The following NIPAL2 variants were observed in gnomAD, a reference collection of about 807,000 sequenced individuals.
NIPAL2 encodes the protein NIPA-like protein 2.
NIPAL2 carries 43 observed loss-of-function variants against 48.9 expected under a neutral mutation model. The observed-to-expected ratio is 0.88, with a 90% CI of 0.69 to 1.13. The LOEUF (loss-of-function observed/expected upper bound fraction) is 1.13. NIPAL2 is among the 50% of genes most tolerant of loss of function. NIPAL2 has a pLI of 0.00. For missense variants in NIPAL2, 446 were observed against 461.4 expected, an observed-to-expected ratio of 0.97 and a Z score of 0.31; for synonymous variants, 167 against 174.6, an observed-to-expected ratio of 0.96 and a Z score of 0.34.
At chr8:98,204,646 AT>A (rs1810945480) in intron 7 of NIPAL2, among the ~76,000 whole-genome samples, 1 of 151,956 alleles carries the variant, frequency 6.6e-6, no homozygotes, top group African/African-American at 2.4e-5. Flanking sequence ...AAGATGCAAA[AT>A]TTTGGGGAAA....
chr8:98,204,788 C>G (rs1810952318), intron 7 of NIPAL2, among the ~76,000 whole-genome samples: 1 of 151,664 alleles, frequency 6.6e-6, no homozygotes, highest in African/African-American at 2.4e-5. Context: ...TGGACCTGCC[C>G]CTTTGATTTA....
intron 1 of NIPAL2, among the ~76,000 whole-genome samples, chr8:98,255,781 GA>G (rs1563528510): frequency 1.3e-5 from 2 of 152,148 alleles, no homozygotes; most frequent in South Asian, 4.1e-4. Flanking sequence ...TGAAGACTGA[GA>G]AAAAAATTTG....
chr8:98,230,354 T>G (rs758308008), intron 4 of NIPAL2, among the ~76,000 whole-genome samples: 5 of 152,178 alleles, frequency 3.3e-5, no homozygotes, highest in Admixed American at 6.5e-5. Context: ...AAGAGCACTC[T>G]CAAACTGGTG....
intron 5 of NIPAL2, among the ~76,000 whole-genome samples, chr8:98,220,964 C>CTTTTTTTTTTTTTTTTTTTTTT (rs557824737): frequency 1.5e-5 from 1 of 68,636 alleles, no homozygotes; most frequent in Admixed American, 2.0e-4. Flanking sequence ...TCATTTCATT[C>CTTTTTTTTTTTTTTTTTTTTTT]TTTTTTTTTT....
intron 4 of NIPAL2, among the ~76,000 whole-genome samples, chr8:98,235,820 T>C (rs1812680586): frequency 6.6e-6 from 1 of 151,634 alleles, no homozygotes; most frequent in Non-Finnish European, 1.5e-5. Flanking sequence ...TAAAATGTTA[T>C]GAAATTATAA....
In NIPAL2 at chr8:98,204,989, G is replaced by A. The variant is rs188475426; in HGVS notation, c.791+122C>T. ...CATGTTGGCTGAGGACAAGCTACAG[G>A]CCCTTCACCCTTAGAAATCAGTTGT... On this transcript the variant is annotated intron_variant, in intron 7 of 10. Coordinates refer to ENST00000430223, the MANE Select transcript of NIPAL2 (RefSeq NM_001321635.2). 4.9e-5 allele frequency: 51 copies of A among 1,042,674 alleles called. No homozygotes were observed. In the East Asian group the frequency reaches 1.1e-3, roughly 23 times the overall value. 64.6% of individuals were successfully genotyped at this position (1,042,674 alleles called of 1,614,324 possible). A position where few individuals can be genotyped will look rare whatever the true frequency, so the allele number is the denominator to read the frequency against.
intron 7 of NIPAL2, 81 bp from the exon 8 acceptor site, chr8:98,203,277 G>T (rs1810889007): frequency 3.0e-6 from 3 of 992,466 alleles, no homozygotes; most frequent in Admixed American, 1.7e-5. Flanking sequence ...AGAAACACGT[G>T]TTCTTTAGCT....
intron 1 of NIPAL2, among the ~76,000 whole-genome samples, chr8:98,292,228 A>G (rs1816524359): frequency 6.6e-6 from 1 of 152,216 alleles, no homozygotes; most frequent in Non-Finnish European, 1.5e-5. Flanking sequence ...ATTTCTATTC[A>G]GTGTCAAAAA....
At chr8:98,257,895 G>A (rs1814002369) in intron 1 of NIPAL2, among the ~76,000 whole-genome samples, 1 of 150,036 alleles carries the variant, frequency 6.7e-6, no homozygotes, top group Non-Finnish European at 1.5e-5. Context: ...CGCCTTTCTA[G>A]ACGGAACCAA....
At chr8:98,206,632 CA>C (rs1453187985) in intron 6 of NIPAL2, among the ~76,000 whole-genome samples, 4 of 151,822 alleles carry the variant, frequency 2.6e-5, no homozygotes, top group African/African-American at 7.2e-5. Context: ...ACTAAAAATA[CA>C]AAAAATTAGC....
At chr8:98,202,938 C>T (rs188454266) in intron 8 of NIPAL2, among the ~76,000 whole-genome samples, 170 bp downstream of exon 8, 86 of 152,324 alleles carry the variant, frequency 5.6e-4, no homozygotes, top group Middle Eastern at 3.4e-3. Context: ...AGAGAGCATT[C>T]ACACAAAGTA....
At chr8:98,237,413 C>T (rs1430113802) in intron 3 of NIPAL2, among the ~76,000 whole-genome samples, 3 of 152,136 alleles carry the variant, frequency 2.0e-5, no homozygotes, top group Non-Finnish European at 2.9e-5. Context: ...CAGCCCTATC[C>T]CAAGCTCAGG....
chr8:98,253,871 G>A, intron 2 of NIPAL2, 148 bp downstream of exon 2: 1 of 501,186 alleles, frequency 2.0e-6, no homozygotes, highest in South Asian at 3.5e-5. Context: ...TTATATTTGT[G>A]TTTATACCAA....
intron 4 of NIPAL2, among the ~76,000 whole-genome samples, chr8:98,223,830 A>T (rs1003954902): frequency 6.6e-6 from 1 of 152,256 alleles, no homozygotes; most frequent in Non-Finnish European, 1.5e-5. Flanking sequence ...CTTTAAAAAC[A>T]AAAAACAGTA....
chr8:98,280,973 T>C (rs959930056), intron 1 of NIPAL2, among the ~76,000 whole-genome samples: 5 of 151,796 alleles, frequency 3.3e-5, no homozygotes, highest in Middle Eastern at 3.4e-3. Flanking sequence ...GATGGATTTA[T>C]TTAAAAATAG....
At chr8:98,246,889 T>C (rs1195890946) in intron 3 of NIPAL2, among the ~76,000 whole-genome samples, 1 of 152,210 alleles carries the variant, frequency 6.6e-6, no homozygotes, top group South Asian at 2.1e-4. Context: ...GTTAATTTTA[T>C]ACTGAGAGAA....
chr8:98,278,704 A>C (rs991785419), intron 1 of NIPAL2, among the ~76,000 whole-genome samples: 1 of 152,194 alleles, frequency 6.6e-6, no homozygotes, highest in African/African-American at 2.4e-5. Context: ...TTTAAACCCT[A>C]ATGACTAGTA....
chr8:98,254,154 T>G, intron 1 of NIPAL2, 67 bp from the exon 2 acceptor site: 1 of 1,308,084 alleles, frequency 7.6e-7, no homozygotes, highest in Non-Finnish European at 1.1e-6. Flanking sequence ...AAAGACAAAT[T>G]TAGGTGTTCA....
At chr8:98,247,565 A>T (rs1037105420) in intron 3 of NIPAL2, among the ~76,000 whole-genome samples, 1 of 152,218 alleles carries the variant, frequency 6.6e-6, no homozygotes, top group Non-Finnish European at 1.5e-5. Flanking sequence ...TTCTCAGCAC[A>T]ATTCTCTGAC....
Sources: allele counts gnomAD v4.1 joint callset (sites outside exome capture counted in the v4.1 genomes callset), GRCh38; gene constraint gnomAD v4.1.1; transcripts MANE v1.5; gene names NCBI Gene and HGNC (gene_info 2026-07-23, HGNC 2026-07-21).